The following TENM2 variants were observed in gnomAD, a reference collection of about 807,000 sequenced individuals.
TENM2 encodes the protein teneurin transmembrane protein 2.
A neutral mutation model predicts 245.2 loss-of-function variants in TENM2; 52 were observed. That is an observed-to-expected ratio of 0.21 (90% CI 0.17 to 0.27). TENM2 has a LOEUF of 0.27. Ranked by LOEUF, TENM2 falls within the 10% of genes least tolerant of loss-of-function variation. TENM2 has a pLI of 1.00. For missense variants in TENM2, 3,046 were observed against 3,666.8 expected (o/e 0.83, Z 4.37); for synonymous variants, 1,363 against 1,438.9 (o/e 0.95, Z 1.19).
At chr5:167,459,087 T>C (rs1417812126) in intron 2 of TENM2, among the ~76,000 whole-genome samples, 1 of 152,152 alleles carries the variant, frequency 6.6e-6, no homozygotes, top group Non-Finnish European at 1.5e-5. Flanking sequence ...CCACCATGCA[T>C]CTCCAGGATT....
intron 7 of TENM2, among the ~76,000 whole-genome samples, chr5:168,089,629 C>CATAA (rs963700082): frequency 6.6e-6 from 1 of 152,126 alleles, no homozygotes; most frequent in African/African-American, 2.4e-5. Flanking sequence ...AGGGCATGAA[C>CATAA]ATAAACACCA....
intron 6 of TENM2, among the ~76,000 whole-genome samples, chr5:168,054,962 T>C (rs1562102154): frequency 1.3e-5 from 2 of 152,180 alleles, no homozygotes; most frequent in Admixed American, 1.3e-4. Context: ...ACACTTTTCA[T>C]TGTGCAGCTC....
the TENM2 span, among the ~76,000 whole-genome samples, chr5:167,032,187 C>G: frequency 6.6e-6 from 1 of 152,054 alleles, no homozygotes; most frequent in Non-Finnish European, 1.5e-5. Flanking sequence ...TATGAGCTTT[C>G]GTAGAATACA....
the TENM2 span, among the ~76,000 whole-genome samples, chr5:167,231,459 G>T: frequency 3.3e-5 from 5 of 152,324 alleles, no homozygotes; most frequent in African/African-American, 1.2e-4. Flanking sequence ...CTCTTACTAT[G>T]TTTTAGCAAG....
chr5:167,623,260 A>G (rs1175676858), intron 2 of TENM2, among the ~76,000 whole-genome samples: 2 of 152,142 alleles, frequency 1.3e-5, no homozygotes, highest in African/African-American at 4.8e-5. Flanking sequence ...GGTTCTATCT[A>G]TTATTATTTC....
At chr5:166,986,441 T>C in the TENM2 span, among the ~76,000 whole-genome samples, 2 of 152,214 alleles carry the variant, frequency 1.3e-5, no homozygotes, top group Non-Finnish European at 2.9e-5. Context: ...TTTATCATTG[T>C]AGAAATTTCC....
At position 168,213,790 on chromosome 5, in the gene TENM2, T is replaced by G. The variant is rs1398022510; in HGVS notation, c.3846-1250T>G. ...TTCAGGCTGCAGTGAGCTAGAATTGTGCCACTGCTCTCCAATGAGACCCTG... is the reference window on the plus strand; with the variant it reads ...TTCAGGCTGCAGTGAGCTAGAATTGGGCCACTGCTCTCCAATGAGACCCTG... On this transcript the variant is annotated intron_variant, in intron 20 of 28. Coordinates refer to ENST00000518659, the Ensembl canonical transcript of TENM2. Among the ~76,000 whole-genome samples, 3 of 152,146 alleles carry G rather than the reference T, an allele frequency of 2.0e-5. No homozygotes were observed. In the East Asian group the frequency reaches 5.8e-4, roughly 29 times the overall value.
chr5:167,785,659 G>A (rs1764527528), intron 2 of TENM2, among the ~76,000 whole-genome samples: 1 of 152,198 alleles, frequency 6.6e-6, no homozygotes, highest in Non-Finnish European at 1.5e-5. Flanking sequence ...GTGTTAGCCT[G>A]TAGTTTGTCC....
At chr5:167,184,796 T>C in the TENM2 span, among the ~76,000 whole-genome samples, 1 of 152,186 alleles carries the variant, frequency 6.6e-6, no homozygotes, top group Non-Finnish European at 1.5e-5. Flanking sequence ...GATCTCAAAC[T>C]GGCCCAGTTG....
chr5:168,055,613 G>A (rs1254094127), intron 6 of TENM2, among the ~76,000 whole-genome samples: 1 of 152,100 alleles, frequency 6.6e-6, no homozygotes, highest in Non-Finnish European at 1.5e-5. Flanking sequence ...CCACCCATTG[G>A]CCCTCTTTCA....
intron 7 of TENM2, among the ~76,000 whole-genome samples, chr5:168,066,697 A>C (rs1427270957): frequency 1.4e-5 from 2 of 147,774 alleles, no homozygotes. Flanking sequence ...ACACAGACAG[A>C]AAAAAAAAGT....
intron 2 of TENM2, among the ~76,000 whole-genome samples, chr5:167,771,896 G>A (rs184313081): frequency 4.6e-5 from 7 of 152,230 alleles, no homozygotes; most frequent in East Asian, 1.9e-4. Flanking sequence ...CTAACCTAGC[G>A]CCATGTGTGT....
At chr5:167,416,606 G>A (rs1246420914) in intron 2 of TENM2, among the ~76,000 whole-genome samples, 1 of 152,154 alleles carries the variant, frequency 6.6e-6, no homozygotes, top group Non-Finnish European at 1.5e-5. Context: ...CAAATTTATT[G>A]CAGAATTACC....
the TENM2 span, among the ~76,000 whole-genome samples, chr5:166,989,120 A>C: frequency 3.3e-5 from 5 of 151,938 alleles, no homozygotes; most frequent in African/African-American, 1.2e-4. Flanking sequence ...CTCAGCCTGG[A>C]GTACAGTGGT....
intron 2 of TENM2, among the ~76,000 whole-genome samples, chr5:167,869,481 A>G (rs190885299): frequency 2.0e-5 from 3 of 152,234 alleles, no homozygotes; most frequent in East Asian, 1.9e-4. Context: ...AGTGTGGGTG[A>G]TAAGTGTGGA....
chr5:167,538,726 C>T (rs1442357725), intron 2 of TENM2, among the ~76,000 whole-genome samples: 1 of 152,164 alleles, frequency 6.6e-6, no homozygotes, highest in Non-Finnish European at 1.5e-5. Context: ...ATGACCTTCT[C>T]CTCTCATTCC....
At chr5:167,149,874 A>G in the TENM2 span, among the ~76,000 whole-genome samples, 3 of 152,122 alleles carry the variant, frequency 2.0e-5, no homozygotes, top group Non-Finnish European at 2.9e-5. Flanking sequence ...GCTTGTGAGT[A>G]TCTTGAGGAC....
At chr5:167,731,084 C>T (rs2337021) in intron 2 of TENM2, among the ~76,000 whole-genome samples, 49,581 of 151,864 alleles carry the variant, frequency 0.33, 10,404 homozygotes, top group East Asian at 0.78. Context: ...AACAAGGCAA[C>T]ATACACCTGA....
chr5:167,282,977 T>G (rs1771140797), upstream of TENM2, among the ~76,000 whole-genome samples: 1 of 152,156 alleles, frequency 6.6e-6, no homozygotes, highest in African/African-American at 2.4e-5. Context: ...TAGCTACTGC[T>G]TGTGCTTTCT....
Sources: gnomAD v4.1 joint callset for allele counts (sites outside exome capture counted in the v4.1 genomes callset) on GRCh38, gnomAD v4.1.1 for gene constraint, MANE v1.5 for transcripts, NCBI Gene and HGNC (gene_info 2026-07-23, HGNC 2026-07-21) for gene names.